The following MACROD2 variants were observed in gnomAD, a reference collection of about 807,000 sequenced individuals.
MACROD2 encodes mono-ADP ribosylhydrolase 2.
A neutral mutation model predicts 70.4 loss-of-function variants in MACROD2; 36 were observed. The observed-to-expected ratio is 0.51, with a 90% CI of 0.39 to 0.68. The LOEUF is 0.68. MACROD2 is among the 30% of genes least tolerant of loss of function. The pLI, the probability that MACROD2 is intolerant of heterozygous loss-of-function variation, is 0.00. For missense variants in MACROD2, 496 were observed against 538.4 expected (o/e 0.92, Z 0.78); for synonymous variants, 172 against 178.8 (o/e 0.96, Z 0.30).
At chr20:14,944,118 C>T (rs915179937) in intron 5 of MACROD2, among the ~76,000 whole-genome samples, 6 of 152,060 alleles carry the variant, frequency 3.9e-5, no homozygotes, top group Non-Finnish European at 7.4e-5. Flanking sequence ...CCTTTATTTA[C>T]ACCTGCTCTC....
intron 5 of MACROD2, among the ~76,000 whole-genome samples, chr20:14,752,798 G>T (rs1416915587): frequency 6.6e-6 from 1 of 152,016 alleles, no homozygotes; most frequent in African/African-American, 2.4e-5. Flanking sequence ...CATTTATTTG[G>T]AATATGAGGC....
chr20:15,656,252 G>T (rs2049728940), intron 8 of MACROD2, among the ~76,000 whole-genome samples: 2 of 152,170 alleles, frequency 1.3e-5, no homozygotes, highest in African/African-American at 4.8e-5. Context: ...TTTGATAACA[G>T]GGCTAACTAG....
intron 3 of MACROD2, among the ~76,000 whole-genome samples, chr20:14,155,802 T>A (rs1240882843): frequency 1.3e-5 from 2 of 152,220 alleles, no homozygotes; most frequent in African/African-American, 4.8e-5. Context: ...AATCAGCCTA[T>A]AAAAGTTATC....
At chr20:15,818,430 A>T (rs1191849098) in intron 8 of MACROD2, among the ~76,000 whole-genome samples, 1 of 152,048 alleles carries the variant, frequency 6.6e-6, no homozygotes, top group East Asian at 1.9e-4. Flanking sequence ...GCATTTGTAA[A>T]CTGTCATGGC....
intron 7 of MACROD2, among the ~76,000 whole-genome samples, chr20:15,447,717 C>CT (rs1444350877): frequency 6.6e-6 from 1 of 152,132 alleles, no homozygotes; most frequent in East Asian, 1.9e-4. Context: ...AGTAGCCATC[C>CT]TTAGGAAACC....
rs528327251 is a variant in MACROD2, at chr20:14,123,508, T to C, written c.271+37780T>C. 2.6e-5 allele frequency among the ~76,000 whole-genome samples: 4 copies of C among 152,212 alleles called. No homozygotes were observed. The East Asian group carries it at 7.7e-4, about 29-fold the overall frequency. On this transcript the variant is annotated intron_variant, in intron 3 of 17. Transcript: ENST00000684519. ...ATGCTTCACCTGGTCACCTAGGCCC[T>C]TTGAAGAAATCTTGCAGTGCGGCAT...
chr20:14,233,929 T>C (rs2081844996), intron 3 of MACROD2, among the ~76,000 whole-genome samples: 1 of 152,062 alleles, frequency 6.6e-6, no homozygotes, highest in Admixed American at 6.6e-5. Context: ...GTTGAGCATA[T>C]GGCAGTTTTA....
chr20:14,485,167 GAC>G (rs902888990), intron 3 of MACROD2, among the ~76,000 whole-genome samples: 1 of 151,480 alleles, frequency 6.6e-6, no homozygotes, highest in Non-Finnish European at 1.5e-5. Context: ...CACATACACA[GAC>G]ACACACACAC....
intron 6 of MACROD2, among the ~76,000 whole-genome samples, chr20:15,416,322 G>A (rs923283896): frequency 3.4e-4 from 52 of 152,112 alleles, no homozygotes; most frequent in African/African-American, 1.2e-3. Flanking sequence ...TCTACAGGGT[G>A]TGTCCTTTAG....
Position 14,281,876 on chromosome 20 carries a change from A to G in MACROD2, c.271+196148A>G, listed in dbSNP as rs571053115. Among the ~76,000 whole-genome samples the G allele has an allele frequency of 2.1e-5, 3 of 146,208 alleles. No individual in the cohort carries two copies. In the Admixed American group the frequency reaches 2.1e-4, roughly 10 times the overall value. ...CTTGAACCCAGGAGGCGGAGGTTGC[A>G]GTGAGCTGAGATCCCACCACAGCAC... On this transcript the variant is annotated intron_variant, in intron 3 of 17. Transcript: ENST00000684519.
chr20:15,825,109 A>C (rs78898456), intron 8 of MACROD2, among the ~76,000 whole-genome samples: 1,774 of 152,298 alleles, frequency 0.012, 45 homozygotes, highest in African/African-American at 0.04. Context: ...CACAATGAGA[A>C]AAACATAAGA....
At chr20:15,383,874 A>T (rs981633349) in intron 6 of MACROD2, among the ~76,000 whole-genome samples, 5 of 152,068 alleles carry the variant, frequency 3.3e-5, no homozygotes, top group Non-Finnish European at 7.4e-5. Context: ...TATTTTTTTA[A>T]TTAATACTTC....
chr20:14,116,220 T>C (rs565961838), intron 3 of MACROD2, among the ~76,000 whole-genome samples: 12 of 152,346 alleles, frequency 7.9e-5, no homozygotes, highest in East Asian at 5.8e-4. Flanking sequence ...TTGGCTATTA[T>C]TAAAATGCAA....
chr20:14,055,777 T>C (rs2053625336), intron 2 of MACROD2, among the ~76,000 whole-genome samples: 1 of 151,990 alleles, frequency 6.6e-6, no homozygotes, highest in Non-Finnish European at 1.5e-5. Flanking sequence ...CCTTCTCCTC[T>C]TATATAACAT....
At chr20:15,366,918 T>G (rs2045417981) in intron 6 of MACROD2, among the ~76,000 whole-genome samples, 1 of 152,170 alleles carries the variant, frequency 6.6e-6, no homozygotes, top group Admixed American at 6.5e-5. Flanking sequence ...CCTTCATAAC[T>G]TTCCTGTTTT....
intron 5 of MACROD2, among the ~76,000 whole-genome samples, chr20:14,995,371 A>G (rs952120006): frequency 2.0e-5 from 3 of 152,032 alleles, no homozygotes; most frequent in Non-Finnish European, 4.4e-5. Flanking sequence ...TTGACAAAAG[A>G]AGTAAGTCTA....
intron 8 of MACROD2, among the ~76,000 whole-genome samples, chr20:15,823,048 C>A (rs760259883): frequency 4.6e-5 from 7 of 152,202 alleles, no homozygotes; most frequent in Non-Finnish European, 7.3e-5. Context: ...TTATGACCCA[C>A]AGACAATCAT....
intron 8 of MACROD2, among the ~76,000 whole-genome samples, chr20:15,505,055 A>G (rs2047408578): frequency 6.6e-6 from 1 of 152,184 alleles, no homozygotes; most frequent in South Asian, 2.1e-4. Flanking sequence ...GTTCTACCCC[A>G]GGGACTCATA....
chr20:16,036,974 A>G (rs995685816), intron 15 of MACROD2, among the ~76,000 whole-genome samples: 2 of 152,026 alleles, frequency 1.3e-5, no homozygotes, highest in Non-Finnish European at 2.9e-5. Context: ...CAGATCTAAC[A>G]GACTATACTT....
Sources: gnomAD v4.1 joint callset for allele counts (sites outside exome capture counted in the v4.1 genomes callset) on GRCh38, gnomAD v4.1.1 for gene constraint, MANE v1.5 for transcripts, NCBI Gene and HGNC (gene_info 2026-07-23, HGNC 2026-07-21) for gene names.